Variants in LRIG2 observed in about 807,000 individuals in gnomAD.
LRIG2 encodes the protein leucine rich repeats and immunoglobulin like domains 2, also known as leucine-rich repeats and immunoglobulin-like domains protein 2.
LRIG2 carries 93 observed loss-of-function variants against 107.8 expected under a neutral mutation model. That is an observed-to-expected ratio of 0.86 (90% confidence interval 0.73 to 1.03). The LOEUF (loss-of-function observed/expected upper bound fraction) is 1.03. Ranked by LOEUF, LRIG2 falls within the 50% of genes least tolerant of loss-of-function variation. The pLI is 0.00. For synonymous variants in LRIG2, 471 were observed against 470.6 expected (o/e 1.00, Z -0.01); for missense variants, 1,226 against 1,296.0 (o/e 0.95, Z 0.83).
At chr1:113,086,045 T>G (rs1168579041) in intron 1 of LRIG2, among the ~76,000 whole-genome samples, 1 of 146,274 alleles carries the variant, frequency 6.8e-6, no homozygotes, top group African/African-American at 2.5e-5. Context: ...TCACTCTTGT[T>G]GCTCAGGCTG....
rs1419531525 is a variant in LRIG2 at position 113,094,664 on chromosome 1, C to T, written c.712C>T (p.Leu238Phe). The T allele has an allele frequency of 1.2e-6, 2 of 1,613,794 alleles. No homozygotes were observed. The highest frequency in any genetic ancestry group is 1.7e-5 in the Admixed American group (1 of 59,994). The change falls in exon 6 of 18, where the codon CTT becomes TTT. Residue 238 changes from leucine to phenylalanine, a missense_variant. Physicochemically the swap from Leu to Phe is conservative, Grantham distance 22. Coordinates refer to ENST00000361127, the MANE Select transcript of LRIG2 (RefSeq NM_014813.3). Reference sequence around the variant, plus strand: ...TGTGGAAGGTCTTACATTCCAAGGGCTTGACTCCTTAAGATCTTTGAAAAT... The same window carrying T: ...TGTGGAAGGTCTTACATTCCAAGGGTTTGACTCCTTAAGATCTTTGAAAAT... ...KIVEGLTFQG[L>F]DSLRSLKMQR...
In LRIG2 at chr1:113,093,545, C is replaced by G. The variant is rs748817195; in HGVS notation, c.496C>G (p.Arg166Gly). The G allele has an allele frequency of 8.8e-6, 14 of 1,592,070 alleles. No homozygotes were observed. Among genetic ancestry groups the G allele is most frequent in the South Asian group, 3.3e-5 (3 of 90,772 alleles). The change falls in exon 4 of 18, where the codon CGC (arginine) becomes GGC (glycine). Residue 166 changes from arginine (R) to glycine (G), a missense_variant. By Grantham distance (125) the Arg-to-Gly change is moderately radical. This residue lies in a region of LRIG2 where 570 missense variants were observed against 550.2 expected (regional missense o/e 1.04). Coordinates refer to ENST00000361127, the MANE Select transcript of LRIG2 (RefSeq NM_014813.3). ...AGAAATCAAGACATCTTCATTTCCT[C>G]GCATGCAGCTTAAATACCTGTAAGT... Reference protein sequence around the residue: ...ISEIKTSSFPRMQLKYLNLSN... With the variant: ...ISEIKTSSFPGMQLKYLNLSN...
Position 113,124,203 on chromosome 1 carries a change from CTT to C in LRIG2, c.*104_*105del, listed in dbSNP as rs1482071711. 2 of 1,025,378 alleles carry C rather than the reference CTT, an allele frequency of 2.0e-6. No individual in the cohort carries two copies. The highest frequency in any genetic ancestry group is 2.9e-6 in the Non-Finnish European group (2 of 689,122). The allele number at this position is 1,025,378 out of a possible 1,614,324, so 63.5% of individuals were successfully genotyped here. A position where few individuals can be genotyped will look rare whatever the true frequency, so the allele number is the denominator to read the frequency against. On this transcript the variant is annotated 3_prime_UTR_variant, in exon 18 of 18. Transcript: ENST00000361127. Reference sequence around the variant, plus strand: ...CTCCGAAGTCAGCATTTGCTTTACTCTTTCTTTATGATTGCATCTGACCGCAC... The same window carrying C: ...CTCCGAAGTCAGCATTTGCTTTACTCTCTTTATGATTGCATCTGACCGCAC...
Position 113,112,476 on chromosome 1 carries a change from C to G in LRIG2, c.1799-3C>G. The G allele has an allele frequency of 6.3e-7, 1 of 1,593,548 alleles. No individual in the cohort carries two copies. Among genetic ancestry groups the G allele is most frequent in the Non-Finnish European group, 8.6e-7 (1 of 1,165,392 alleles). ...TTTTTCTTGGTGATTTTTCTGGAAA[C>G]AGAGATGCCATCTTTTCTGAAAACG... On this transcript the variant is annotated splice_polypyrimidine_tract_variant and splice_region_variant and intron_variant, in intron 13 of 17. Coordinates refer to ENST00000361127, the MANE Select transcript of LRIG2 (RefSeq NM_014813.3).
At chr1:113,103,501 G>C (rs1454012322) in intron 11 of LRIG2, 1 of 152,188 alleles carries the variant, frequency 6.6e-6, no homozygotes, top group Non-Finnish European at 1.5e-5. Context: ...TCTCTCCCCA[G>C]CTGCAACATC....
chr1:113,075,923 C>T (rs971818510), intron 1 of LRIG2, among the ~76,000 whole-genome samples: 2 of 151,642 alleles, frequency 1.3e-5, no homozygotes, highest in Admixed American at 6.6e-5. Context: ...TCTTAAACTC[C>T]TGATGTCAGG....
intron 1 of LRIG2, among the ~76,000 whole-genome samples, chr1:113,080,204 A>G (rs548927483): frequency 6.8e-6 from 1 of 146,878 alleles, no homozygotes; most frequent in South Asian, 2.2e-4. Context: ...TATTTTTAGT[A>G]GAGACGGGGT....
rs1343213040 is a variant in LRIG2, at chr1:113,131,525, CA to C, written c.*7426del. The C allele has an allele frequency of 6.6e-6, 1 of 152,120 alleles. No homozygotes were observed. Among genetic ancestry groups the C allele is most frequent in the Non-Finnish European group, 1.5e-5 (1 of 68,032 alleles). The allele number at this position is 152,120 out of a possible 1,614,324, so 9.4% of individuals were successfully genotyped here. On this transcript the variant is annotated 3_prime_UTR_variant, in exon 18 of 18. Coordinates refer to ENST00000361127, the MANE Select transcript of LRIG2 (RefSeq NM_014813.3). The stretch of plus-strand genomic sequence containing the variant: ...GATTGAGCTAAGATTCTTTTTTTGG[CA>C]ACCTGCAAGTAATGTTTCATTTTTC...
chr1:113,083,682 C>T (rs1383839071), intron 1 of LRIG2, among the ~76,000 whole-genome samples: 1 of 151,654 alleles, frequency 6.6e-6, no homozygotes, highest in Admixed American at 6.6e-5. Context: ...CTCATGTGAA[C>T]TCAGAACATC....
In LRIG2 at chr1:113,124,221, C is replaced by A; in HGVS notation, c.*120C>A. 2 of 846,226 alleles carry A rather than the reference C, an allele frequency of 2.4e-6. No individual in the cohort carries two copies. Among genetic ancestry groups the A allele is most frequent in the East Asian group, 2.6e-5 (1 of 37,944 alleles). 52.4% of individuals were successfully genotyped at this position (846,226 alleles called of 1,614,324 possible). Reference sequence around the variant, plus strand: ...CTTTACTCTTTCTTTATGATTGCATCTGACCGCACCAAGGTGGGCCATGCG... The same window carrying A: ...CTTTACTCTTTCTTTATGATTGCATATGACCGCACCAAGGTGGGCCATGCG... On this transcript the variant is annotated 3_prime_UTR_variant, in exon 18 of 18. Transcript: ENST00000361127.
Position 113,094,454 on chromosome 1 carries a change from A to T in LRIG2, c.631A>T (p.Ile211Phe). 6.2e-7 allele frequency: 1 copy of T among 1,611,454 alleles called. No individual in the cohort carries two copies. Among genetic ancestry groups the T allele is most frequent in the Non-Finnish European group, 8.5e-7 (1 of 1,179,482 alleles). Residue 211 changes from isoleucine (I) to phenylalanine (F), a missense_variant, in exon 5 of 18, where the codon ATC becomes TTC. This residue lies in a region of LRIG2 where 570 missense variants were observed against 550.2 expected (regional missense o/e 1.04). Coordinates refer to ENST00000361127, the MANE Select transcript of LRIG2 (RefSeq NM_014813.3). ...CCGAATGAGCATGATTCCACCTAAG[A>T]TCTTCAAGCTGCCTCACCTCCAATT... Reference protein sequence around the residue: ...RNRMSMIPPKIFKLPHLQFLE... With the variant: ...RNRMSMIPPKFFKLPHLQFLE...
chr1:113,113,211 CAAA>C (rs11454182), intron 14 of LRIG2, among the ~76,000 whole-genome samples: 1 of 136,716 alleles, frequency 7.3e-6, no homozygotes, highest in Non-Finnish European at 1.6e-5. Context: ...AAATTTAATA[CAAA>C]AAAAAAAAAA....
chr1:113,090,855 A>ATT (rs1553227328), intron 1 of LRIG2, among the ~76,000 whole-genome samples: 1 of 141,032 alleles, frequency 7.1e-6, no homozygotes, highest in African/African-American at 2.6e-5. Context: ...AAACAAAAAA[A>ATT]TTTTTTTTTT....
At chr1:113,123,176 A>G (rs907365710) in intron 17 of LRIG2, among the ~76,000 whole-genome samples, 1 of 152,238 alleles carries the variant, frequency 6.6e-6, no homozygotes, top group Non-Finnish European at 1.5e-5. Flanking sequence ...TAAAGATATA[A>G]TGGCTGCACT....
At chr1:113,123,803 C>A in intron 17 of LRIG2, 72 bp from the exon 18 acceptor site, 1 of 1,148,348 alleles carries the variant, frequency 8.7e-7, no homozygotes, top group Non-Finnish European at 1.3e-6. Flanking sequence ...ATCTTTATTT[C>A]TTTGAGGATT....
At chr1:113,080,019 A>ATT (rs35584269) in intron 1 of LRIG2, among the ~76,000 whole-genome samples, 3,453 of 112,548 alleles carry the variant, frequency 0.031, 176 homozygotes, top group African/African-American at 0.049. Flanking sequence ...CCTGGCCCGA[A>ATT]TTTTTTTTTT....
At chr1:113,073,779 AT>A (rs2101006653) in intron 1 of LRIG2, 134 bp downstream of exon 1, 1 of 820,092 alleles carries the variant, frequency 1.2e-6, no homozygotes, top group Non-Finnish European at 1.9e-6. Context: ...TGCCGTCAGG[AT>A]TTTATGAACT....
chr1:113,109,194 A>G (rs191790141), intron 12 of LRIG2, among the ~76,000 whole-genome samples: 83 of 152,316 alleles, frequency 5.4e-4, no homozygotes, highest in Admixed American at 1.2e-3. Flanking sequence ...GACATACCAT[A>G]TATTTCTTCC....
intron 13 of LRIG2, among the ~76,000 whole-genome samples, chr1:113,110,802 A>C (rs1300548323): frequency 1.3e-5 from 2 of 152,116 alleles, no homozygotes; most frequent in Non-Finnish European, 2.9e-5. Context: ...GAGATGTGCT[A>C]CTTTCACTGC....
Sources: allele counts gnomAD v4.1 joint callset (sites outside exome capture counted in the v4.1 genomes callset), GRCh38; gene constraint gnomAD v4.1.1; regional missense constraint gnomAD v4.1.1; transcripts MANE v1.5; gene names NCBI Gene and HGNC (gene_info 2026-07-23, HGNC 2026-07-21).